The following KCNT2 variants were observed in gnomAD, a reference collection of about 807,000 sequenced individuals.
KCNT2 encodes potassium channel subfamily T member 2.
Under a neutral mutation model 153.8 loss-of-function variants are expected in KCNT2, and 67 were observed. That is an observed-to-expected ratio of 0.44 (90% CI 0.36 to 0.53). The LOEUF (loss-of-function observed/expected upper bound fraction) is 0.53. Among genes scored for constraint, KCNT2 ranks in the 20% least tolerant of loss-of-function variants. KCNT2 has a pLI of 0.00. For missense variants in KCNT2, 975 were observed against 1,354.8 expected (o/e 0.72, Z 4.40); for synonymous variants, 500 against 458.8 (o/e 1.09, Z -1.15).
chr1:196,460,176 T>A (rs867087630), intron 8 of KCNT2, among the ~76,000 whole-genome samples: 8 of 151,868 alleles, frequency 5.3e-5, no homozygotes, highest in South Asian at 2.1e-4. Context: ...GGTATGTGCG[T>A]GTAATTTACA....
At chr1:196,430,832 T>A (rs2148547252) in intron 8 of KCNT2, among the ~76,000 whole-genome samples, 1 of 152,206 alleles carries the variant, frequency 6.6e-6, no homozygotes, top group African/African-American at 2.4e-5. Context: ...TAAAATGTGT[T>A]TTGCAATGTT....
rs1390860693 is a variant in KCNT2, at chr1:196,272,280, G to T, written c.2910+8580C>A. ...TAGTAGGCATCAGATATACACTACG[G>T]ATTCTTTATCATGTGAGTAAAGAAA... On this transcript the variant is annotated intron_variant, in intron 25 of 27. Transcript: ENST00000294725. 2.0e-5 allele frequency among the ~76,000 whole-genome samples: 3 copies of T among 151,828 alleles called. No individual in the cohort carries two copies. The East Asian group carries it at 5.8e-4, about 29-fold the overall frequency.
intron 5 of KCNT2, among the ~76,000 whole-genome samples, chr1:196,476,156 G>A (rs1678511320): frequency 1.3e-5 from 2 of 152,246 alleles, no homozygotes; most frequent in East Asian, 1.9e-4. Flanking sequence ...CCAGAAGTTG[G>A]AGCAAATACA....
At chr1:196,514,749 G>GA (rs1681913126) in intron 1 of KCNT2, among the ~76,000 whole-genome samples, 1 of 151,808 alleles carries the variant, frequency 6.6e-6, no homozygotes, top group Non-Finnish European at 1.5e-5. Flanking sequence ...TAAGATAGTT[G>GA]ATTTATTTCT....
rs1665680453 is a variant in KCNT2 at position 196,341,969 on chromosome 1, CG to C, written c.1553+109del. 5 of 1,094,614 alleles carry C rather than the reference CG, an allele frequency of 4.6e-6. No individual in the cohort carries two copies. In the East Asian group the frequency reaches 1.3e-4, roughly 29 times the overall value. 67.8% of individuals were successfully genotyped at this position (1,094,614 alleles called of 1,614,324 possible). A position where few individuals can be genotyped will look rare whatever the true frequency, so the allele number is the denominator to read the frequency against. On this transcript the variant is annotated intron_variant, in intron 15 of 27. Coordinates refer to ENST00000294725, the MANE Select transcript of KCNT2 (RefSeq NM_198503.5). ...TTGGGGAATATTGTGACAAAAATTCCGGAATGCCTAAACACATGAACACAAT... is the reference window on the plus strand; with the variant it reads ...TTGGGGAATATTGTGACAAAAATTCCGAATGCCTAAACACATGAACACAAT...
chr1:196,568,026 T>C (rs368686978), intron 1 of KCNT2, among the ~76,000 whole-genome samples: 49 of 152,276 alleles, frequency 3.2e-4, no homozygotes, highest in African/African-American at 1.2e-3. Context: ...TAAGACTTGA[T>C]CTCAACTGGG....
chr1:196,231,385 T>G (rs577133287), intron 27 of KCNT2, among the ~76,000 whole-genome samples: 5 of 151,852 alleles, frequency 3.3e-5, no homozygotes, highest in African/African-American at 4.8e-5. Context: ...TGAGTATCTT[T>G]AGTGACTGCT....
At chr1:196,309,806 T>C (rs1661989569) in intron 21 of KCNT2, among the ~76,000 whole-genome samples, 1 of 151,870 alleles carries the variant, frequency 6.6e-6, no homozygotes, top group African/African-American at 2.4e-5. Context: ...TAGAACATTT[T>C]AGAATTAAAA....
intron 1 of KCNT2, among the ~76,000 whole-genome samples, chr1:196,526,066 C>T (rs1448255291): frequency 1.3e-5 from 2 of 148,444 alleles, no homozygotes; most frequent in Non-Finnish European, 3.0e-5. Flanking sequence ...TGAATCAGCA[C>T]ACTGAGGGGT....
chr1:196,436,010 T>A (rs1242107882), intron 8 of KCNT2, among the ~76,000 whole-genome samples: 2 of 151,642 alleles, frequency 1.3e-5, no homozygotes, highest in Non-Finnish European at 3.0e-5. Flanking sequence ...TCCTAAAAAA[T>A]TCATTTAAAA....
Position 196,342,212 on chromosome 1 carries a change from G to C in KCNT2, c.1420C>G (p.Pro474Ala). Residue 474 changes from proline to alanine, a missense_variant, in exon 15 of 28, where the codon CCA becomes GCA. Physicochemically the swap from Pro to Ala is conservative, Grantham distance 27 (BLOSUM62 -1). This residue lies in a region of KCNT2 where 325 missense variants were observed against 388.1 expected (regional missense o/e 0.84). Transcript: ENST00000294725. ...TSRGQEGQQS[P>A]EQWQKMYGRC... ...CCGTACATCTTCTGCCATTGTTCTG[G>C]CGATTGCTGGCCTTCTCTGCAACAC... is the stretch of plus-strand genomic sequence containing the variant. The C allele has an allele frequency of 6.2e-7, 1 of 1,610,944 alleles. No individual in the cohort carries two copies. The highest frequency in any genetic ancestry group is 8.5e-7 in the Non-Finnish European group (1 of 1,178,804).
At chr1:196,281,265 C>A (rs1252961278) in intron 24 of KCNT2, among the ~76,000 whole-genome samples, 1 of 152,122 alleles carries the variant, frequency 6.6e-6, no homozygotes, top group East Asian at 1.9e-4. Flanking sequence ...TATTATGCAT[C>A]ACCAAACTTA....
intron 16 of KCNT2, among the ~76,000 whole-genome samples, chr1:196,334,890 T>C (rs1384068023): frequency 6.6e-6 from 1 of 152,040 alleles, no homozygotes; most frequent in African/African-American, 2.4e-5. Flanking sequence ...ATTCGATTTT[T>C]GACCTGAAAT....
intron 1 of KCNT2, among the ~76,000 whole-genome samples, chr1:196,541,213 AT>A (rs1197436017): frequency 2.0e-5 from 3 of 152,050 alleles, no homozygotes; most frequent in Non-Finnish European, 4.4e-5. Context: ...AATAAATAGA[AT>A]ATACGAAACC....
In KCNT2 at chr1:196,512,005, C is replaced by G. The variant is rs576383210; in HGVS notation, c.96-19664G>C. Among the ~76,000 whole-genome samples the G allele has an allele frequency of 2.0e-5, 3 of 152,238 alleles. No individual in the cohort carries two copies. The East Asian group carries it at 5.8e-4, about 29-fold the overall frequency. On this transcript the variant is annotated intron_variant, in intron 1 of 27. Coordinates refer to ENST00000294725, the MANE Select transcript of KCNT2 (RefSeq NM_198503.5). Reference sequence around the variant, plus strand: ...TCTCATCTCTTATACTTTCTTTAACCAATTCCACCTCTCCACCTAATCAGC... The same window carrying G: ...TCTCATCTCTTATACTTTCTTTAACGAATTCCACCTCTCCACCTAATCAGC...
chr1:196,411,047 C>T (rs555451355), intron 12 of KCNT2, among the ~76,000 whole-genome samples: 24 of 130,542 alleles, frequency 1.8e-4, no homozygotes, highest in Non-Finnish European at 2.7e-4. Flanking sequence ...CCCTCCCTCC[C>T]TCCTCTATTC....
At chr1:196,513,076 T>A (rs1681765695) in intron 1 of KCNT2, among the ~76,000 whole-genome samples, 1 of 152,152 alleles carries the variant, frequency 6.6e-6, no homozygotes, top group Non-Finnish European at 1.5e-5. Flanking sequence ...CTTCTCCCAA[T>A]TAATTCTAAT....
At chr1:196,459,525 T>G (rs1676969624) in intron 8 of KCNT2, among the ~76,000 whole-genome samples, 4 of 152,010 alleles carry the variant, frequency 2.6e-5, no homozygotes, top group African/African-American at 9.6e-5. Context: ...GTTTGTATGC[T>G]CCATGCAGTT....
chr1:196,378,799 C>A (rs1371332899), intron 13 of KCNT2, among the ~76,000 whole-genome samples: 1 of 146,792 alleles, frequency 6.8e-6, no homozygotes, highest in South Asian at 2.1e-4. Flanking sequence ...ATGTAAACAA[C>A]ATTGTATATA....
Sources: allele counts gnomAD v4.1 joint callset (sites outside exome capture counted in the v4.1 genomes callset), GRCh38; gene constraint gnomAD v4.1.1; regional missense constraint gnomAD v4.1.1; transcripts MANE v1.5; gene names NCBI Gene and HGNC (gene_info 2026-07-23, HGNC 2026-07-21).